ACACB: variants seen among roughly 807,000 people sequenced by gnomAD.
ACACB encodes acetyl-CoA carboxylase beta, also known as acetyl-CoA carboxylase 2.
ACACB carries 209 observed loss-of-function variants against 278.8 expected under a neutral mutation model. The ratio of observed to expected loss-of-function variants is 0.75; its 90% CI spans 0.67 to 0.84. The LOEUF is 0.84. Among genes scored for constraint, ACACB ranks in the 40% least tolerant of loss-of-function variants. The pLI, the probability that ACACB is intolerant of heterozygous loss-of-function variation, is 0.00. For missense variants in ACACB, 2,850 were observed against 3,269.0 expected (o/e 0.87, Z 3.13); for synonymous variants, 1,174 against 1,285.6 (o/e 0.91, Z 1.86).
At chr12:109,195,133 G>T (rs1165560773) in intron 16 of ACACB, among the ~76,000 whole-genome samples, 1 of 152,150 alleles carries the variant, frequency 6.6e-6, no homozygotes, top group Non-Finnish European at 1.5e-5. Flanking sequence ...TGGGCCCAGG[G>T]TCCTTGTTGG....
intron 46 of ACACB, 86 bp from the exon 47 acceptor site, chr12:109,258,887 A>G (rs930149988): frequency 8.4e-6 from 13 of 1,542,512 alleles, no homozygotes; most frequent in Non-Finnish European, 1.1e-5. Context: ...ATCGCCTGCC[A>G]TCCAGAGCGA....
At position 109,117,180 on chromosome 12, in the gene ACACB, C is replaced by T. The variant is rs528169664; in HGVS notation, c.-10+476C>T. Among the ~76,000 whole-genome samples the T allele has an allele frequency of 4.0e-4, 60 of 149,618 alleles. No homozygotes were observed. In the Middle Eastern group the frequency reaches 0.01, roughly 26 times the overall value. On this transcript the variant is annotated intron_variant, in intron 1 of 52. Transcript: ENST00000338432. ...TTCGAGACCAGCCTGGCCAACATGG[C>T]GAAACCCCATCTGTACTAAACACAT...
intron 19 of ACACB, among the ~76,000 whole-genome samples, chr12:109,202,822 C>A (rs2045376123): frequency 6.6e-6 from 1 of 152,060 alleles, no homozygotes. Flanking sequence ...CATTATTGTT[C>A]ACTCAGATTT....
chr12:109,248,791 C>T (rs1241873805), intron 40 of ACACB, among the ~76,000 whole-genome samples: 1 of 152,188 alleles, frequency 6.6e-6, no homozygotes, highest in Non-Finnish European at 1.5e-5. Context: ...TACTTTGCAT[C>T]CTAAAGTTGA....
intron 2 of ACACB, among the ~76,000 whole-genome samples, chr12:109,140,613 C>T (rs966390966): frequency 6.6e-6 from 1 of 152,102 alleles, no homozygotes; most frequent in South Asian, 2.1e-4. Context: ...GCTGAGATCA[C>T]GTCACTGCAC....
At chr12:109,215,515 G>T (rs1351433176) in intron 22 of ACACB, among the ~76,000 whole-genome samples, 1 of 152,144 alleles carries the variant, frequency 6.6e-6, no homozygotes, top group African/African-American at 2.4e-5. Context: ...TGTAATCCCA[G>T]CACTTTGGGA....
intron 48 of ACACB, 54 bp from the exon 49 acceptor site, chr12:109,262,303 T>G (rs539653832): frequency 4.8e-6 from 7 of 1,457,310 alleles, no homozygotes; most frequent in South Asian, 1.2e-5. Context: ...CCATTAGCCC[T>G]TGCTTGCTGG....
intron 37 of ACACB, among the ~76,000 whole-genome samples, chr12:109,242,835 GC>G (rs2046839027): frequency 6.6e-6 from 1 of 152,242 alleles, no homozygotes; most frequent in African/African-American, 2.4e-5. Flanking sequence ...GCGTGGTGGC[GC>G]ATGCCTGTAG....
intron 2 of ACACB, among the ~76,000 whole-genome samples, chr12:109,162,583 A>T (rs1212353886): frequency 2.0e-5 from 3 of 152,054 alleles, no homozygotes; most frequent in African/African-American, 7.3e-5. Context: ...GTCTTGGGAG[A>T]GGGGATCGAC....
chr12:109,210,161 G>GTA lies in ACACB; in HGVS notation c.3249+812_3249+813dup, dbSNP rs1235291761. Reference sequence around the variant, plus strand: ...TATATATGTATATATACACACGTGTGTATATGTATATATGTATATATACAC... The same window carrying GTA: ...TATATATGTATATATACACACGTGTGTATATATGTATATATGTATATATACAC... On this transcript the variant is annotated intron_variant, in intron 21 of 52. Transcript: ENST00000338432. Among the ~76,000 whole-genome samples the GTA allele has an allele frequency of 1.5e-4, 7 of 45,260 alleles. 1 individual carries two copies. The highest frequency in any genetic ancestry group is 1.5e-3 in the Admixed American group (7 of 4,706). 29.7% of individuals were successfully genotyped at this position (45,260 alleles called of 152,430 possible). A position where few individuals can be genotyped will look rare whatever the true frequency, so the allele number is the denominator to read the frequency against.
chr12:109,181,509 T>C (rs1231057070), intron 11 of ACACB, among the ~76,000 whole-genome samples: 1 of 152,198 alleles, frequency 6.6e-6, no homozygotes, highest in South Asian at 2.1e-4. Flanking sequence ...ATTACAGGCA[T>C]GAGCCACTGC....
intron 22 of ACACB, among the ~76,000 whole-genome samples, chr12:109,213,770 T>C (rs2045915081): frequency 1.3e-5 from 2 of 151,918 alleles, no homozygotes. Context: ...GCTAATTTTT[T>C]TGTGTGTTTT....
At position 109,176,284 on chromosome 12, in the gene ACACB, C is replaced by A. The variant is rs376782921; in HGVS notation, c.1437+21C>A. 7 of 1,589,852 alleles carry A rather than the reference C, an allele frequency of 4.4e-6. No individual in the cohort carries two copies. The African/African-American group carries it at 9.4e-5, about 21-fold the overall frequency. On this transcript the variant is annotated intron_variant, in intron 9 of 52. Coordinates refer to ENST00000338432, the MANE Select transcript of ACACB (RefSeq NM_001093.4). ...GACAAGTGAGCAGTTCTTGCTGTGTCTTTTCGCATCTGTCTTTGGGAATTG... is the reference window on the plus strand; with the variant it reads ...GACAAGTGAGCAGTTCTTGCTGTGTATTTTCGCATCTGTCTTTGGGAATTG...
At chr12:109,260,386 C>T (rs1204040893) in intron 47 of ACACB, 94 bp from the exon 48 acceptor site, 2 of 1,490,074 alleles carry the variant, frequency 1.3e-6, no homozygotes, top group Non-Finnish European at 1.9e-6. Flanking sequence ...CTCAGCTGGG[C>T]TCACTCTCCC....
intron 1 of ACACB, among the ~76,000 whole-genome samples, chr12:109,121,538 CAT>C (rs1412101703): frequency 6.6e-6 from 1 of 152,160 alleles, no homozygotes; most frequent in Non-Finnish European, 1.5e-5. Flanking sequence ...AACTGTGGGG[CAT>C]AGAGCAAGAG....
chr12:109,168,138 G>T, intron 4 of ACACB, 104 bp downstream of exon 4: 1 of 1,282,566 alleles, frequency 7.8e-7, no homozygotes, highest in Non-Finnish European at 1.1e-6. Context: ...CCGATGGTCA[G>T]GACCTCTCAT....
At chr12:109,196,536 C>T (rs1469268452) in intron 16 of ACACB, among the ~76,000 whole-genome samples, 1 of 152,176 alleles carries the variant, frequency 6.6e-6, no homozygotes, top group Non-Finnish European at 1.5e-5. Context: ...ACAAGGGCCC[C>T]ACCTTCATGA....
intron 21 of ACACB, among the ~76,000 whole-genome samples, chr12:109,210,382 C>T (rs866130859): frequency 8.8e-6 from 1 of 113,340 alleles, no homozygotes; most frequent in East Asian, 2.8e-4. Flanking sequence ...CACGCACACA[C>T]ATGTGTATAT....
At chr12:109,257,407 G>A (rs982070685) in intron 45 of ACACB, among the ~76,000 whole-genome samples, 1 of 151,748 alleles carries the variant, frequency 6.6e-6, no homozygotes, top group Non-Finnish European at 1.5e-5. Flanking sequence ...TAGGGTAAAC[G>A]AGAACCATGT....
Sources: allele counts gnomAD v4.1 joint callset (sites outside exome capture counted in the v4.1 genomes callset), GRCh38; gene constraint gnomAD v4.1.1; transcripts MANE v1.5; gene names NCBI Gene and HGNC (gene_info 2026-07-23, HGNC 2026-07-21).